Variants in XPO7 observed in about 807,000 individuals in gnomAD.
The protein encoded by XPO7 is exportin-7.
A neutral mutation model predicts 144.3 loss-of-function variants in XPO7; 21 were observed. That is an observed-to-expected ratio of 0.15 (90% CI 0.10 to 0.21). XPO7 has a LOEUF of 0.21. Among genes scored for constraint, XPO7 ranks in the 10% least tolerant of loss-of-function variants. The pLI, the probability that XPO7 is intolerant of heterozygous loss-of-function variation, is 1.00. For synonymous variants in XPO7, 580 were observed against 499.6 expected (o/e 1.16, Z -2.15); for missense variants, 808 against 1,325.8 (o/e 0.61, Z 6.06).
chr8:21,987,903 T>C (rs1478640414), intron 15 of XPO7, 46 bp downstream of exon 15: 2 of 1,586,632 alleles, frequency 1.3e-6, no homozygotes, highest in East Asian at 4.5e-5. Flanking sequence ...TGCACTCCTG[T>C]TGCAACTGTA....
intron 21 of XPO7, among the ~76,000 whole-genome samples, chr8:21,997,053 C>A (rs1459563899): frequency 6.6e-6 from 1 of 152,160 alleles, no homozygotes; most frequent in Non-Finnish European, 1.5e-5. Context: ...GGTGATCCGC[C>A]CACTTCAGCC....
chr8:21,944,152 A>G (rs2117273588), intron 1 of XPO7, among the ~76,000 whole-genome samples: 1 of 152,352 alleles, frequency 6.6e-6, no homozygotes, highest in African/African-American at 2.4e-5. Flanking sequence ...ACAGCTAGGA[A>G]CAAGGTTTAG....
intron 19 of XPO7, among the ~76,000 whole-genome samples, chr8:21,992,496 T>C (rs150720610): frequency 1.6e-4 from 24 of 152,348 alleles, no homozygotes; most frequent in African/African-American, 5.5e-4. Context: ...GATTTCTTCT[T>C]TGACACTTGA....
At chr8:21,959,318 A>G (rs1304789106) in intron 1 of XPO7, among the ~76,000 whole-genome samples, 4 of 152,368 alleles carry the variant, frequency 2.6e-5, no homozygotes, top group African/African-American at 4.8e-5. Flanking sequence ...AGTATAATCA[A>G]TAATAGCCAG....
At chr8:22,002,480 C>T (rs11775479) in intron 25 of XPO7, among the ~76,000 whole-genome samples, 54,514 of 152,096 alleles carry the variant, frequency 0.36, 10,275 homozygotes, top group East Asian at 0.43. Context: ...GATTATTCTT[C>T]TGAGTGTCAC....
chr8:21,973,197 A>T (rs995069619), intron 5 of XPO7, among the ~76,000 whole-genome samples: 6 of 152,230 alleles, frequency 3.9e-5, no homozygotes, highest in African/African-American at 1.4e-4. Context: ...AACCACTCTT[A>T]TCTTTGCAGC....
At chr8:21,940,858 T>G (rs930756499) in intron 1 of XPO7, among the ~76,000 whole-genome samples, 3 of 152,164 alleles carry the variant, frequency 2.0e-5, no homozygotes, top group African/African-American at 7.2e-5. Flanking sequence ...AACCTCAGTC[T>G]GATCCAATCT....
intron 27 of XPO7, 38 bp from the exon 28 acceptor site, chr8:22,004,957 C>T (rs552411663): frequency 2.6e-6 from 3 of 1,158,676 alleles, no homozygotes; most frequent in Admixed American, 2.4e-5. Context: ...CTTTCCCCCC[C>T]ACTCTCCTCC....
At chr8:21,995,426 G>A (rs1369843904) in intron 20 of XPO7, 66 bp from the exon 21 acceptor site, 5 of 1,448,698 alleles carry the variant, frequency 3.5e-6, no homozygotes, top group African/African-American at 1.4e-5. Flanking sequence ...GGCTAGTGCT[G>A]AAAAACTATT....
At chr8:22,004,139 A>G (rs2117413640) in intron 27 of XPO7, 109 bp downstream of exon 27, 3 of 1,422,642 alleles carry the variant, frequency 2.1e-6, no homozygotes, top group Non-Finnish European at 2.9e-6. Flanking sequence ...GAGGCCATCT[A>G]AAGCAATGCA....
chr8:21,921,955 T>C (rs1411294554), intron 1 of XPO7, among the ~76,000 whole-genome samples: 1 of 152,170 alleles, frequency 6.6e-6, no homozygotes, highest in Non-Finnish European at 1.5e-5. Flanking sequence ...AACCTTCTTA[T>C]GAAAAAGATA....
rs898735886 is a variant in XPO7, at chr8:21,989,182, G to A, written c.1868+99G>A. The A allele has an allele frequency of 6.3e-5, 70 of 1,110,736 alleles. 1 individual carries two copies. In the South Asian group the frequency reaches 6.6e-4, roughly 10 times the overall value. The allele number at this position is 1,110,736 out of a possible 1,614,324, so 68.8% of individuals were successfully genotyped here. On this transcript the variant is annotated intron_variant, in intron 16 of 27. Transcript: ENST00000252512. ...CTCTTTCCACTTCAGTTTAGCTGTA[G>A]TGTGTACTCACATATCTTCCATTTT...
chr8:21,993,254 C>T (rs978142896), intron 19 of XPO7, among the ~76,000 whole-genome samples: 1 of 152,152 alleles, frequency 6.6e-6, no homozygotes, highest in African/African-American at 2.4e-5. Context: ...GTAAAATTAA[C>T]CAAAAGAACA....
intron 1 of XPO7, among the ~76,000 whole-genome samples, chr8:21,957,436 T>A (rs1811572800): frequency 6.6e-6 from 1 of 152,218 alleles, no homozygotes; most frequent in South Asian, 2.1e-4. Context: ...CTTTTCTCAC[T>A]GCTGGCTAGG....
At chr8:21,933,231 G>C (rs528815527) in intron 1 of XPO7, among the ~76,000 whole-genome samples, 1 of 151,556 alleles carries the variant, frequency 6.6e-6, no homozygotes, top group Non-Finnish European at 1.5e-5. Flanking sequence ...CTCCTGAGTA[G>C]CTGGGACTAC....
intron 27 of XPO7, among the ~76,000 whole-genome samples, chr8:22,004,545 A>G (rs984026621): frequency 6.6e-6 from 1 of 152,220 alleles, no homozygotes; most frequent in African/African-American, 2.4e-5. Flanking sequence ...TAAAATTAAG[A>G]TGCAGTTGGG....
At chr8:21,962,761 T>C (rs185943940) in intron 1 of XPO7, among the ~76,000 whole-genome samples, 2 of 152,376 alleles carry the variant, frequency 1.3e-5, no homozygotes, top group East Asian at 3.9e-4. Flanking sequence ...ATACTCAACA[T>C]ACTGTTTTGC....
chr8:21,987,854 A>G lies in XPO7; in HGVS notation c.1784A>G (p.Lys595Arg). 1 of 1,613,668 alleles carries G rather than the reference A, an allele frequency of 6.2e-7. No individual in the cohort carries two copies. Among genetic ancestry groups the G allele is most frequent in the South Asian group, 1.1e-5 (1 of 90,988 alleles). ...ATGGTCCTAAGCGTCTTCATAGGAA[A>G]AATGTAAGTGTTTCAGCTTGCCACC... ...ETMVLSVFIG[K>R]IITNLKYWGR... Residue 595 changes from lysine (K) to arginine (R), a missense_variant, in exon 15 of 28, where the codon AAA becomes AGA. Lys to Arg is a conservative substitution (Grantham distance 26). Coordinates refer to ENST00000252512, the MANE Select transcript of XPO7 (RefSeq NM_015024.5).
chr8:21,982,912 C>A lies in XPO7; in HGVS notation c.1277+100C>A, dbSNP rs1037063097. ...TGGCAAAGAGGTACTCGAAGCGTGTCTCATTGGAGCCACTACTGTTCATGG... is the reference window on the plus strand; with the variant it reads ...TGGCAAAGAGGTACTCGAAGCGTGTATCATTGGAGCCACTACTGTTCATGG... On this transcript the variant is annotated intron_variant, in intron 11 of 27. Coordinates refer to ENST00000252512, the MANE Select transcript of XPO7 (RefSeq NM_015024.5). 12 of 1,387,706 alleles carry A rather than the reference C, an allele frequency of 8.6e-6. No individual in the cohort carries two copies. In the African/African-American group the frequency reaches 1.7e-4, roughly 20 times the overall value. 86.0% of individuals were successfully genotyped at this position (1,387,706 alleles called of 1,614,324 possible).
Sources: gnomAD v4.1 joint callset for allele counts (sites outside exome capture counted in the v4.1 genomes callset) on GRCh38, gnomAD v4.1.1 for gene constraint, MANE v1.5 for transcripts, NCBI Gene and HGNC (gene_info 2026-07-23, HGNC 2026-07-21) for gene names.